The following LIN7A variants were observed in gnomAD, a reference collection of about 807,000 sequenced individuals.
The protein encoded by LIN7A is lin-7 cell polarity scaffold A, also known as protein lin-7 homolog A.
A neutral mutation model predicts 29.8 loss-of-function variants in LIN7A; 25 were observed. That is an observed-to-expected ratio of 0.84 (90% CI 0.61 to 1.17). The LOEUF (loss-of-function observed/expected upper bound fraction) is 1.17, where lower values mean the gene tolerates loss of function less well. LIN7A is among the 50% of genes most tolerant of loss of function. The pLI is 0.00. For synonymous variants in LIN7A, 118 were observed against 107.5 expected (o/e 1.10, Z -0.60); for missense variants, 239 against 287.0 (o/e 0.83, Z 1.21).
chr12:80,902,796 A>G (rs183998193), intron 1 of LIN7A, among the ~76,000 whole-genome samples: 87 of 152,090 alleles, frequency 5.7e-4, no homozygotes, highest in African/African-American at 2.1e-3. Flanking sequence ...ATAGAATCAT[A>G]TTGTCACTGA....
intron 4 of LIN7A, among the ~76,000 whole-genome samples, chr12:80,843,681 A>G (rs10862199): frequency 0.39 from 59,898 of 151,714 alleles, 11,971 homozygotes; most frequent in Non-Finnish European, 0.42. Flanking sequence ...ATTTTGCCTC[A>G]TTTTATTCTT....
At chr12:80,923,347 G>A (rs1425441545) in intron 1 of LIN7A, among the ~76,000 whole-genome samples, 3 of 151,968 alleles carry the variant, frequency 2.0e-5, no homozygotes, top group Admixed American at 1.3e-4. Context: ...AATTGTGTGA[G>A]CCAATTCCTC....
At chr12:80,814,648 A>G (rs1720184512) in intron 4 of LIN7A, among the ~76,000 whole-genome samples, 1 of 152,074 alleles carries the variant, frequency 6.6e-6, no homozygotes, top group South Asian at 2.1e-4. Context: ...GAGTTGAGAG[A>G]AAAACGGCTG....
chr12:80,792,966 A>T lies in LIN7A; in HGVS notation c.*4761T>A, dbSNP rs1263250572. ...TACTGATGTGATTTGTTTACCATGA[A>T]TAATACTTTGTTAATATCTTTTGTA... On this transcript the variant is annotated 3_prime_UTR_variant, in exon 6 of 6. Transcript: ENST00000552864. 2 of 152,196 alleles carry T rather than the reference A, an allele frequency of 1.3e-5. No individual in the cohort carries two copies. The highest frequency in any genetic ancestry group is 2.9e-5 in the Non-Finnish European group (2 of 68,036). 9.4% of individuals were successfully genotyped at this position (152,196 alleles called of 1,614,324 possible).
chr12:80,800,310 A>C (rs555525044), intron 5 of LIN7A, among the ~76,000 whole-genome samples: 1 of 151,972 alleles, frequency 6.6e-6, no homozygotes, highest in South Asian at 2.1e-4. Flanking sequence ...ACCAACATGG[A>C]GAAAACTGGT....
intron 4 of LIN7A, among the ~76,000 whole-genome samples, chr12:80,835,762 C>T (rs928744106): frequency 6.6e-6 from 1 of 151,958 alleles, no homozygotes; most frequent in African/African-American, 2.4e-5. Context: ...AGTAAATAAA[C>T]GTATTATGGT....
intron 2 of LIN7A, among the ~76,000 whole-genome samples, chr12:80,855,163 A>T (rs1873535738): frequency 6.6e-6 from 1 of 152,122 alleles, no homozygotes; most frequent in Non-Finnish European, 1.5e-5. Context: ...AAGTGACATT[A>T]GACCAAGTTA....
chr12:80,936,825 T>C (rs1005165396), intron 1 of LIN7A: 32 of 152,412 alleles, frequency 2.1e-4, no homozygotes, highest in African/African-American at 7.0e-4. Context: ...AGTTGAATTT[T>C]AACCCGACCT....
chr12:80,937,507 C>T, intron 1 of LIN7A, 134 bp downstream of exon 1: 1 of 515,752 alleles, frequency 1.9e-6, no homozygotes, highest in Non-Finnish European at 3.2e-6. Flanking sequence ...TCGGCGCGAA[C>T]GCCTTCCTGG....
chr12:80,823,514 CTG>C (rs1223095918), intron 4 of LIN7A, among the ~76,000 whole-genome samples: 2 of 152,232 alleles, frequency 1.3e-5, no homozygotes, highest in Non-Finnish European at 1.5e-5. Flanking sequence ...ATGCCTGGCT[CTG>C]TGCAGTGGCT....
At chr12:80,813,068 T>C (rs1034524497) in intron 4 of LIN7A, among the ~76,000 whole-genome samples, 1 of 152,058 alleles carries the variant, frequency 6.6e-6, no homozygotes, top group Non-Finnish European at 1.5e-5. Context: ...TAGAGTGCAA[T>C]GGCGCGATCT....
chr12:80,869,775 T>G (rs1012063685), intron 2 of LIN7A, among the ~76,000 whole-genome samples: 17 of 150,972 alleles, frequency 1.1e-4, no homozygotes, highest in African/African-American at 4.1e-4. Flanking sequence ...TTTTTGCAAA[T>G]AGTCTTCTTT....
intron 4 of LIN7A, among the ~76,000 whole-genome samples, chr12:80,825,229 T>C (rs1395307473): frequency 1.3e-5 from 2 of 152,168 alleles, no homozygotes; most frequent in Non-Finnish European, 2.9e-5. Context: ...ATCTGAGTGA[T>C]AAGAAAAGTT....
At chr12:80,833,603 C>T (rs1161675761) in intron 4 of LIN7A, among the ~76,000 whole-genome samples, 1 of 152,184 alleles carries the variant, frequency 6.6e-6, no homozygotes, top group African/African-American at 2.4e-5. Context: ...TAAGTCCGGG[C>T]TCCTTGTGAT....
At chr12:80,803,934 A>G (rs548873129) in intron 5 of LIN7A, among the ~76,000 whole-genome samples, 1 of 152,308 alleles carries the variant, frequency 6.6e-6, no homozygotes, top group Admixed American at 6.5e-5. Flanking sequence ...TAAGGGTGGC[A>G]ATATGAATAA....
At chr12:80,845,503 G>A (rs1873029123) in intron 4 of LIN7A, 1 of 409,472 alleles carries the variant, frequency 2.4e-6, no homozygotes, top group South Asian at 6.9e-5. Flanking sequence ...AATTTCCTGG[G>A]ATGTTTTTTC....
chr12:80,894,219 C>T (rs1259075759), intron 1 of LIN7A, among the ~76,000 whole-genome samples: 1 of 152,154 alleles, frequency 6.6e-6, no homozygotes, highest in Admixed American at 6.5e-5. Flanking sequence ...TTTTATGAAA[C>T]TCTTCTATCA....
intron 2 of LIN7A, among the ~76,000 whole-genome samples, chr12:80,882,287 C>T (rs115840012): frequency 4.3e-4 from 38 of 87,668 alleles, no homozygotes; most frequent in Middle Eastern, 8.8e-3. Context: ...TTCTTTCATT[C>T]TTTTTTTTTT....
At chr12:80,934,589 A>G (rs1250867241) in intron 1 of LIN7A, among the ~76,000 whole-genome samples, 1 of 152,186 alleles carries the variant, frequency 6.6e-6, no homozygotes, top group Non-Finnish European at 1.5e-5. Flanking sequence ...CTTAATTTCG[A>G]TCCCTAGCTT....
Sources: allele counts gnomAD v4.1 joint callset (sites outside exome capture counted in the v4.1 genomes callset), GRCh38; gene constraint gnomAD v4.1.1; transcripts MANE v1.5; gene names NCBI Gene and HGNC (gene_info 2026-07-23, HGNC 2026-07-21).